LGR5: variants seen among roughly 807,000 people sequenced by gnomAD.
LGR5 encodes leucine rich repeat containing G protein-coupled receptor 5, also known as leucine-rich repeat-containing G protein-coupled receptor 5.
Under a neutral mutation model 76.7 loss-of-function variants are expected in LGR5, and 54 were observed. The ratio of observed to expected loss-of-function variants is 0.70; its 90% CI spans 0.57 to 0.88. LGR5 has a LOEUF of 0.88. Ranked by LOEUF, LGR5 falls within the 40% of genes least tolerant of loss-of-function variation. LGR5 has a pLI of 0.00. For missense variants in LGR5, 1,078 were observed against 1,073.3 expected, an observed-to-expected ratio of 1.00 and a Z score of -0.06; for synonymous variants, 406 against 421.9, an observed-to-expected ratio of 0.96 and a Z score of 0.46.
intron 1 of LGR5, among the ~76,000 whole-genome samples, chr12:71,501,596 A>C (rs116382849): frequency 0.012 from 1,804 of 152,286 alleles, 15 homozygotes; most frequent in Middle Eastern, 0.037. Context: ...TCAAGGACCC[A>C]CCCCAGGCCA....
In LGR5 at chr12:71,495,194, G is replaced by C. The variant is rs188155646; in HGVS notation, c.213-9420G>C. 1.2e-4 allele frequency among the ~76,000 whole-genome samples: 18 copies of C among 151,460 alleles called. 1 individual carries two copies. The highest frequency in any genetic ancestry group is 1.8e-4 in the Non-Finnish European group (12 of 68,032). ...GTAATTCATGAGTTGGGGAACACCA[G>C]ACCAACAGAGATTTCGCATTCCAGT... On this transcript the variant is annotated intron_variant, in intron 1 of 17. Transcript: ENST00000266674.
intron 1 of LGR5, among the ~76,000 whole-genome samples, chr12:71,485,430 T>A (rs1873783772): frequency 6.6e-6 from 1 of 151,966 alleles, no homozygotes; most frequent in Non-Finnish European, 1.5e-5. Flanking sequence ...AATGAAGAAA[T>A]TTGGGGCTAG....
chr12:71,495,079 G>A lies in LGR5; in HGVS notation c.213-9535G>A, dbSNP rs185998351. Among the ~76,000 whole-genome samples the A allele has an allele frequency of 2.8e-4, 39 of 141,040 alleles. 2 individuals carry two copies. In the East Asian group the frequency reaches 5.1e-3, roughly 18 times the overall value. The allele number at this position is 141,040 out of a possible 152,430, so 92.5% of individuals were successfully genotyped here. On this transcript the variant is annotated intron_variant, in intron 1 of 17. Transcript: ENST00000266674. ...TGGCCCAAGGATTTGGGGCGTAGTC[G>A]GGGGGGGTCTCCTTTGAATCCCACT... is the stretch of plus-strand genomic sequence containing the variant.
intron 13 of LGR5, among the ~76,000 whole-genome samples, chr12:71,573,776 C>T (rs1878723323): frequency 6.6e-6 from 1 of 151,998 alleles, no homozygotes; most frequent in Non-Finnish European, 1.5e-5. Context: ...TTAAGAGTCA[C>T]TTTCTCCCAA....
intron 1 of LGR5, among the ~76,000 whole-genome samples, chr12:71,455,040 T>C (rs1010359354): frequency 4.6e-5 from 7 of 152,044 alleles, no homozygotes; most frequent in African/African-American, 1.7e-4. Flanking sequence ...GGTCTGTAGT[T>C]CTTAAACTTG....
chr12:71,559,531 G>C, intron 6 of LGR5, 55 bp from the exon 7 acceptor site: 2 of 931,434 alleles, frequency 2.1e-6, no homozygotes, highest in Non-Finnish European at 3.5e-6. Context: ...CTTGTAAATA[G>C]AGTATATATG....
intron 16 of LGR5, among the ~76,000 whole-genome samples, chr12:71,581,654 C>T (rs1879097240): frequency 6.6e-6 from 1 of 152,236 alleles, no homozygotes; most frequent in Admixed American, 6.5e-5. Context: ...CTTCCTGCCT[C>T]ACCCACTCTA....
At chr12:71,533,054 AG>A (rs1013028587) in intron 3 of LGR5, among the ~76,000 whole-genome samples, 1 of 152,148 alleles carries the variant, frequency 6.6e-6, no homozygotes, top group African/African-American at 2.4e-5. Flanking sequence ...ATAAATACAT[AG>A]GCTGGGCGTG....
chr12:71,510,217 A>T (rs1185665773), intron 2 of LGR5, among the ~76,000 whole-genome samples: 3 of 152,206 alleles, frequency 2.0e-5, no homozygotes, highest in Non-Finnish European at 4.4e-5. Flanking sequence ...GTCTTCATAG[A>T]TCTGCCCATT....
At chr12:71,540,521 G>A (rs904658705) in intron 4 of LGR5, among the ~76,000 whole-genome samples, 3 of 152,112 alleles carry the variant, frequency 2.0e-5, no homozygotes, top group Non-Finnish European at 2.9e-5. Flanking sequence ...ATCTTATTAT[G>A]ATATCATCTT....
intron 1 of LGR5, among the ~76,000 whole-genome samples, chr12:71,467,516 T>C (rs2137237187): frequency 6.6e-6 from 1 of 152,334 alleles, no homozygotes; most frequent in South Asian, 2.1e-4. Flanking sequence ...TTTCTGATTA[T>C]CACTATCTTT....
chr12:71,556,715 C>T (rs1181685699), intron 6 of LGR5, 25 bp downstream of exon 6: 5 of 1,545,500 alleles, frequency 3.2e-6, no homozygotes, highest in African/African-American at 2.7e-5. Context: ...TATTTGTTTC[C>T]CTTTTTTCAG....
chr12:71,535,368 C>T (rs1156745582), intron 4 of LGR5, among the ~76,000 whole-genome samples, 182 bp downstream of exon 4: 1 of 152,086 alleles, frequency 6.6e-6, no homozygotes, highest in Non-Finnish European at 1.5e-5. Flanking sequence ...TGGGAGGAAC[C>T]AGTGTTGGAG....
chr12:71,518,166 G>GA lies in LGR5; in HGVS notation c.285-6233dup, dbSNP rs1343993102. ...ATAAGAAACTTAAACAAATTTACAA[G>GA]AAAAAAACAAAAAATTAAAAAGTGA... is the stretch of plus-strand genomic sequence containing the variant. On this transcript the variant is annotated intron_variant, in intron 2 of 17. Transcript: ENST00000266674. Among the ~76,000 whole-genome samples, 7 of 151,212 alleles carry GA rather than the reference G, an allele frequency of 4.6e-5. No individual in the cohort carries two copies. The South Asian group carries it at 1.0e-3, about 23-fold the overall frequency.
At chr12:71,470,228 G>A (rs907662434) in intron 1 of LGR5, among the ~76,000 whole-genome samples, 1 of 152,134 alleles carries the variant, frequency 6.6e-6, no homozygotes, top group Non-Finnish European at 1.5e-5. Flanking sequence ...CAATGAGAAA[G>A]TCTTAGCCAG....
Position 71,523,197 on chromosome 12 carries a change from G to T in LGR5, c.285-1209G>T, listed in dbSNP as rs377629096. Among the ~76,000 whole-genome samples, 8 of 152,216 alleles carry T rather than the reference G, an allele frequency of 5.3e-5. No homozygotes were observed. The South Asian group carries it at 1.7e-3, about 32-fold the overall frequency. ...CACATTTAAAGTTATATAAGAAATG[G>T]CTTATTTCAGTCCAGTCAGTGGATC... On this transcript the variant is annotated intron_variant, in intron 2 of 17. Transcript: ENST00000266674.
At chr12:71,575,788 C>T (rs1448056831) in intron 13 of LGR5, among the ~76,000 whole-genome samples, 1 of 151,386 alleles carries the variant, frequency 6.6e-6, no homozygotes. Context: ...TACATGCACA[C>T]ATATGTTCAT....
intron 3 of LGR5, among the ~76,000 whole-genome samples, chr12:71,527,913 C>T (rs922515289): frequency 6.6e-6 from 1 of 152,226 alleles, no homozygotes; most frequent in Non-Finnish European, 1.5e-5. Flanking sequence ...ATGTGCTGCA[C>T]AGCCCAGCAT....
intron 2 of LGR5, among the ~76,000 whole-genome samples, chr12:71,507,542 T>C (rs1874915516): frequency 6.6e-6 from 1 of 152,210 alleles, no homozygotes; most frequent in South Asian, 2.1e-4. Context: ...ATACTATCTA[T>C]GAGAAAAGTA....
Sources: allele counts gnomAD v4.1 joint callset (sites outside exome capture counted in the v4.1 genomes callset), GRCh38; gene constraint gnomAD v4.1.1; transcripts MANE v1.5; gene names NCBI Gene and HGNC (gene_info 2026-07-23, HGNC 2026-07-21).